The following COG5 variants were observed in gnomAD, a reference collection of about 807,000 sequenced individuals.
COG5 encodes component of oligomeric golgi complex 5, also known as conserved oligomeric Golgi complex subunit 5.
COG5 carries 86 observed loss-of-function variants against 110.4 expected under a neutral mutation model. The ratio of observed to expected loss-of-function variants is 0.78; its 90% confidence interval spans 0.65 to 0.93. The LOEUF is 0.93. COG5 is among the 40% of genes least tolerant of loss of function. The pLI is 0.00. For missense variants in COG5, 1,077 were observed against 987.0 expected (o/e 1.09, Z -1.22); for synonymous variants, 360 against 334.6 (o/e 1.08, Z -0.83).
intron 11 of COG5, among the ~76,000 whole-genome samples, chr7:107,301,226 G>C (rs1247461712): frequency 1.3e-5 from 2 of 152,170 alleles, no homozygotes; most frequent in Admixed American, 1.3e-4. Flanking sequence ...ATGAAACCAA[G>C]AGTATGGTCT....
chr7:107,549,837 T>A (rs1802758518), intron 3 of COG5, among the ~76,000 whole-genome samples: 1 of 152,144 alleles, frequency 6.6e-6, no homozygotes, highest in Admixed American at 6.5e-5. Context: ...CTCTTCTCCA[T>A]CTACAATCTT....
In COG5 at chr7:107,238,973, G is replaced by A. The variant is rs1313011802; in HGVS notation, c.1854-2286C>T. ...CACTTGTTTTCTTTGCTGTTCAGAA[G>A]CTTTTTAGATAAATGTAATCACATT... On this transcript the variant is annotated intron_variant, in intron 17 of 21. Transcript: ENST00000297135. Among the ~76,000 whole-genome samples the A allele has an allele frequency of 3.9e-5, 6 of 152,234 alleles. No homozygotes were observed. In the East Asian group the frequency reaches 9.7e-4, roughly 25 times the overall value.
chr7:107,203,722 T>C lies in COG5; in HGVS notation c.2376-92A>G, dbSNP rs989476612. 2.3e-5 allele frequency: 19 copies of C among 827,890 alleles called. No individual in the cohort carries two copies. The African/African-American group carries it at 2.9e-4, about 13-fold the overall frequency. 51.3% of individuals were successfully genotyped at this position (827,890 alleles called of 1,614,324 possible). ...CAATATATAAAAATTATTAGTAAGC[T>C]CATTTCTGGAACTGTTAATGCTCGG... is the stretch of plus-strand genomic sequence containing the variant. On this transcript the variant is annotated intron_variant, in intron 21 of 21. Transcript: ENST00000297135.
chr7:107,284,999 T>C (rs780613186), intron 12 of COG5, among the ~76,000 whole-genome samples: 18 of 152,212 alleles, frequency 1.2e-4, no homozygotes, highest in Non-Finnish European at 1.5e-5. Flanking sequence ...TGATATGACC[T>C]AGAGATCAGA....
intron 6 of COG5, among the ~76,000 whole-genome samples, chr7:107,486,557 T>C (rs796390314): frequency 5.9e-5 from 9 of 152,256 alleles, no homozygotes; most frequent in African/African-American, 2.2e-4. Context: ...TCCAATTATA[T>C]TTTCCTATTA....
chr7:107,369,336 A>G (rs1813909065), intron 8 of COG5, among the ~76,000 whole-genome samples: 1 of 148,814 alleles, frequency 6.7e-6, no homozygotes, highest in African/African-American at 2.5e-5. Flanking sequence ...TAGTTTATCC[A>G]TTGCTTGTAC....
rs1020218583 is a variant in COG5 at position 107,500,237 on chromosome 7, T to C, written c.538+27000A>G. On this transcript the variant is annotated intron_variant, in intron 6 of 21. Coordinates refer to ENST00000297135, the MANE Select transcript of COG5 (RefSeq NM_006348.5). The stretch of plus-strand genomic sequence containing the variant: ...TCCAATTGTTCTTTCCTGGAACATA[T>C]GAAGGGGGTTTTCAGGAACTTTTGC... Among the ~76,000 whole-genome samples the C allele has an allele frequency of 2.6e-5, 4 of 152,302 alleles. No homozygotes were observed. The East Asian group carries it at 5.8e-4, about 22-fold the overall frequency.
chr7:107,319,766 G>A (rs142401986), intron 11 of COG5, among the ~76,000 whole-genome samples: 2 of 152,058 alleles, frequency 1.3e-5, no homozygotes, highest in Non-Finnish European at 1.5e-5. Flanking sequence ...ATTATGCTGA[G>A]TGACTGAGTG....
intron 14 of COG5, among the ~76,000 whole-genome samples, chr7:107,259,866 C>T (rs999566211): frequency 2.0e-5 from 3 of 151,820 alleles, no homozygotes; most frequent in Non-Finnish European, 4.4e-5. Context: ...TTGGGGGTTT[C>T]AAAGTATAGA....
intron 18 of COG5, among the ~76,000 whole-genome samples, chr7:107,233,219 T>C (rs1434498463): frequency 2.0e-5 from 3 of 152,160 alleles, no homozygotes; most frequent in Admixed American, 6.5e-5. Context: ...AGGGGGAGTA[T>C]GTGCTTCAGA....
At chr7:107,284,949 T>C (rs1486001579) in intron 12 of COG5, among the ~76,000 whole-genome samples, 3 of 152,216 alleles carry the variant, frequency 2.0e-5, no homozygotes, top group Admixed American at 6.5e-5. Context: ...TTCATGTATA[T>C]GAAACTTGGC....
chr7:107,281,222 T>G lies in COG5; in HGVS notation c.1575+78A>C, dbSNP rs1805139639. The stretch of plus-strand genomic sequence containing the variant: ...AGTAAGTAAATAGTCAATTCAATAT[T>G]TATGATTAGTCAAGTATTATATAGT... On this transcript the variant is annotated intron_variant, in intron 14 of 21. Coordinates refer to ENST00000297135, the MANE Select transcript of COG5 (RefSeq NM_006348.5). 18 of 932,316 alleles carry G rather than the reference T, an allele frequency of 1.9e-5. No individual in the cohort carries two copies. In the South Asian group the frequency reaches 2.5e-4, roughly 13 times the overall value. The allele number at this position is 932,316 out of a possible 1,614,324, so 57.8% of individuals were successfully genotyped here.
At chr7:107,246,840 A>T (rs556546059) in intron 17 of COG5, among the ~76,000 whole-genome samples, 53 of 152,350 alleles carry the variant, frequency 3.5e-4, no homozygotes, top group African/African-American at 1.3e-3. Context: ...AAGCAGAACT[A>T]CCATTTGACC....
At chr7:107,384,185 G>T (rs947218906) in intron 7 of COG5, among the ~76,000 whole-genome samples, 2 of 152,132 alleles carry the variant, frequency 1.3e-5, no homozygotes, top group African/African-American at 2.4e-5. Context: ...GGAACCCTTA[G>T]ATTGGCCTCT....
At chr7:107,407,754 C>A (rs529057542) in intron 7 of COG5, among the ~76,000 whole-genome samples, 51 of 151,662 alleles carry the variant, frequency 3.4e-4, no homozygotes, top group African/African-American at 1.2e-3. Flanking sequence ...AACAAACAGC[C>A]AGGTAAATTC....
At position 107,527,228 on chromosome 7, in the gene COG5, A is replaced by AC; in HGVS notation, c.538+8_538+9insG. 6.5e-7 allele frequency: 1 copy of AC among 1,535,956 alleles called. No homozygotes were observed. Among genetic ancestry groups the AC allele is most frequent in the Non-Finnish European group, 8.8e-7 (1 of 1,142,514 alleles). On this transcript the variant is annotated intron_variant, in intron 6 of 21. Coordinates refer to ENST00000297135, the MANE Select transcript of COG5 (RefSeq NM_006348.5). ...CTAACTTTTTATTTAAAAAAAAAAA[A>AC]AAACTTACCAAGTTCATTGAGACTC...
chr7:107,249,800 A>C (rs1180818432), intron 16 of COG5, among the ~76,000 whole-genome samples: 1 of 151,428 alleles, frequency 6.6e-6, no homozygotes. Flanking sequence ...TTAAAACGTT[A>C]TGCATGTTGA....
At chr7:107,275,165 C>T (rs1804597659) in intron 14 of COG5, among the ~76,000 whole-genome samples, 1 of 151,856 alleles carries the variant, frequency 6.6e-6, no homozygotes, top group Admixed American at 6.6e-5. Context: ...ACAAAAAGTG[C>T]CAGGCTATCT....
At chr7:107,239,622 C>T (rs1051627205) in intron 17 of COG5, among the ~76,000 whole-genome samples, 1 of 152,006 alleles carries the variant, frequency 6.6e-6, no homozygotes, top group African/African-American at 2.4e-5. Flanking sequence ...TTGTTGATTT[C>T]TTTCATTGAT....
Sources: allele counts gnomAD v4.1 joint callset (sites outside exome capture counted in the v4.1 genomes callset), GRCh38; gene constraint gnomAD v4.1.1; transcripts MANE v1.5; gene names NCBI Gene and HGNC (gene_info 2026-07-23, HGNC 2026-07-21).